The following CDH13 variants were observed in gnomAD, a reference collection of about 807,000 sequenced individuals.
The protein encoded by CDH13 is cadherin 13.
CDH13 carries 24 observed loss-of-function variants against 63.8 expected under a neutral mutation model. The observed-to-expected ratio is 0.38, with a 90% CI of 0.27 to 0.53. CDH13 has a LOEUF of 0.53. Ranked by LOEUF, CDH13 falls within the 20% of genes least tolerant of loss-of-function variation. The pLI, the probability that CDH13 is intolerant of heterozygous loss-of-function variation, is 0.85. For synonymous variants in CDH13, 503 were observed against 355.3 expected (o/e 1.42, Z -4.67); for missense variants, 1,049 against 903.1 (o/e 1.16, Z -2.07).
At chr16:83,371,796 T>C (rs1018548737) in intron 6 of CDH13, among the ~76,000 whole-genome samples, 8 of 152,208 alleles carry the variant, frequency 5.3e-5, no homozygotes, top group African/African-American at 1.9e-4. Flanking sequence ...GAATGGACAG[T>C]GCTTCACGAG....
intron 1 of CDH13, among the ~76,000 whole-genome samples, chr16:82,651,123 C>T (rs1910672482): frequency 6.6e-6 from 1 of 152,128 alleles, no homozygotes; most frequent in African/African-American, 2.4e-5. Context: ...AGAAATTTAT[C>T]TAATTTTAGT....
intron 11 of CDH13, among the ~76,000 whole-genome samples, chr16:83,754,746 G>T (rs553315166): frequency 6.6e-6 from 1 of 152,224 alleles, no homozygotes; most frequent in African/African-American, 2.4e-5. Flanking sequence ...CACCATGATT[G>T]TGAGGTTTCC....
intron 1 of CDH13, among the ~76,000 whole-genome samples, chr16:82,739,783 G>T (rs756678864): frequency 6.6e-6 from 1 of 152,128 alleles, no homozygotes; most frequent in Non-Finnish European, 1.5e-5. Flanking sequence ...TGAATGGTGA[G>T]ATAAATATAT....
At chr16:83,342,843 G>GTTTTTTTTT (rs778316746) in intron 5 of CDH13, among the ~76,000 whole-genome samples, 21 of 65,300 alleles carry the variant, frequency 3.2e-4, no homozygotes, top group East Asian at 1.5e-3. Context: ...TTTTGTTTCT[G>GTTTTTTTTT]TTTTTTTTTT....
At chr16:83,344,447 T>G (rs1444315992) in intron 5 of CDH13, among the ~76,000 whole-genome samples, 1 of 152,202 alleles carries the variant, frequency 6.6e-6, no homozygotes, top group African/African-American at 2.4e-5. Flanking sequence ...CCATAAACAC[T>G]TTTGGTTATC....
At chr16:83,076,806 A>G (rs552705090) in intron 3 of CDH13, among the ~76,000 whole-genome samples, 5 of 152,214 alleles carry the variant, frequency 3.3e-5, no homozygotes, top group Admixed American at 6.5e-5. Context: ...AGGAAAATTT[A>G]CATACTATGA....
chr16:82,984,807 T>C (rs773951243), intron 2 of CDH13, among the ~76,000 whole-genome samples: 2 of 152,202 alleles, frequency 1.3e-5, no homozygotes, highest in East Asian at 1.9e-4. Context: ...CATACTATGC[T>C]ATGTGTGTAT....
chr16:82,837,063 A>T (rs1406004063), intron 1 of CDH13, among the ~76,000 whole-genome samples: 1 of 152,230 alleles, frequency 6.6e-6, no homozygotes, highest in Non-Finnish European at 1.5e-5. Context: ...TAAAATGGGC[A>T]ACCCATCGAG....
intron 4 of CDH13, among the ~76,000 whole-genome samples, chr16:83,152,268 C>G (rs113194212): frequency 2.0e-5 from 3 of 152,248 alleles, no homozygotes; most frequent in African/African-American, 7.2e-5. Flanking sequence ...CCTAAATGAT[C>G]CACGACAAGG....
In CDH13 at chr16:83,425,216, A is replaced by C. The variant is rs190282775; in HGVS notation, c.782-61261A>C. ...ACGTAAATTGGAAGGAGGAGTGATG[A>C]TTCTCCCTTTGGCCATTTGATGACT... On this transcript the variant is annotated intron_variant, in intron 6 of 13. Coordinates refer to ENST00000567109, the MANE Select transcript of CDH13 (RefSeq NM_001257.5). Among the ~76,000 whole-genome samples the C allele has an allele frequency of 3.0e-3, 450 of 152,322 alleles. 5 individuals carry two copies. The highest frequency in any genetic ancestry group is 0.01 in the African/African-American group (430 of 41,582).
intron 2 of CDH13, among the ~76,000 whole-genome samples, chr16:82,878,576 T>C: frequency 7.0e-6 from 1 of 143,842 alleles, no homozygotes; most frequent in African/African-American, 2.5e-5. Flanking sequence ...CCAGAACCCC[T>C]TCTGTGCGTT....
chr16:83,624,935 C>T (rs896450697), intron 8 of CDH13, among the ~76,000 whole-genome samples: 5 of 152,218 alleles, frequency 3.3e-5, no homozygotes, highest in Non-Finnish European at 7.3e-5. Flanking sequence ...TGCAGCCAGT[C>T]TGCACCAGCT....
At chr16:83,716,557 C>T (rs1001497101) in intron 10 of CDH13, among the ~76,000 whole-genome samples, 1 of 152,166 alleles carries the variant, frequency 6.6e-6, no homozygotes, top group African/African-American at 2.4e-5. Context: ...AGTCTCAGCT[C>T]ACTGCAACCT....
chr16:82,911,645 A>C (rs927456903), intron 2 of CDH13, among the ~76,000 whole-genome samples: 1 of 152,194 alleles, frequency 6.6e-6, no homozygotes, highest in African/African-American at 2.4e-5. Context: ...CTGAAGATCC[A>C]CCAGGAGCCT....
chr16:83,604,800 G>T (rs921610336), intron 8 of CDH13, among the ~76,000 whole-genome samples: 36 of 152,174 alleles, frequency 2.4e-4, no homozygotes, highest in Non-Finnish European at 4.4e-4. Context: ...ATATGAAGAT[G>T]AATCTGTGTT....
intron 7 of CDH13, among the ~76,000 whole-genome samples, chr16:83,504,131 G>A (rs1009985744): frequency 3.3e-5 from 5 of 152,126 alleles, no homozygotes; most frequent in African/African-American, 1.2e-4. Context: ...TTTAAAAAAA[G>A]GAAATAAAAG....
At chr16:83,130,099 G>A (rs376842492) in intron 4 of CDH13, among the ~76,000 whole-genome samples, 6 of 152,178 alleles carry the variant, frequency 3.9e-5, no homozygotes, top group African/African-American at 1.4e-4. Context: ...GAATTTAATG[G>A]AGGAGAAAAC....
At chr16:83,190,221 G>A (rs550490727) in intron 4 of CDH13, among the ~76,000 whole-genome samples, 1 of 152,168 alleles carries the variant, frequency 6.6e-6, no homozygotes, top group African/African-American at 2.4e-5. Flanking sequence ...GGTTCCGCTT[G>A]GCTAGAAGTA....
intron 1 of CDH13, among the ~76,000 whole-genome samples, chr16:82,705,566 A>T (rs2031422442): frequency 6.6e-6 from 1 of 152,172 alleles, no homozygotes; most frequent in African/African-American, 2.4e-5. Flanking sequence ...CCCAAGACTA[A>T]TTCAAAAATT....
Sources: allele counts gnomAD v4.1 joint callset (sites outside exome capture counted in the v4.1 genomes callset), GRCh38; gene constraint gnomAD v4.1.1; transcripts MANE v1.5; gene names NCBI Gene and HGNC (gene_info 2026-07-23, HGNC 2026-07-21).